ARHGAP12: variants seen among roughly 807,000 people sequenced by gnomAD.
The protein encoded by ARHGAP12 is rho GTPase-activating protein 12.
ARHGAP12 carries 64 observed loss-of-function variants against 108.6 expected under a neutral mutation model. That is an observed-to-expected ratio of 0.59 (90% CI 0.48 to 0.73). ARHGAP12 has a LOEUF of 0.73. Among genes scored for constraint, ARHGAP12 ranks in the 30% least tolerant of loss-of-function variants. The pLI, the probability that ARHGAP12 is intolerant of heterozygous loss-of-function variation, is 0.00. For synonymous variants in ARHGAP12, 312 were observed against 337.2 expected (o/e 0.93, Z 0.82); for missense variants, 940 against 1,005.9 (o/e 0.93, Z 0.89).
chr10:31,859,063 G>A (rs1382383436), intron 4 of ARHGAP12, among the ~76,000 whole-genome samples: 3 of 152,160 alleles, frequency 2.0e-5, no homozygotes, highest in Non-Finnish European at 4.4e-5. Context: ...TGGCTGCTAG[G>A]TGTGCAGCCC....
chr10:31,836,325 A>G (rs12269395), intron 9 of ARHGAP12, among the ~76,000 whole-genome samples: 7,639 of 152,258 alleles, frequency 0.05, 639 homozygotes, highest in African/African-American at 0.17. Context: ...CATATAATGA[A>G]TAGCTTCTTA....
chr10:31,809,874 T>C (rs142375036), intron 16 of ARHGAP12, among the ~76,000 whole-genome samples: 64 of 152,240 alleles, frequency 4.2e-4, no homozygotes, highest in African/African-American at 1.5e-3. Flanking sequence ...AGCCCCGAAA[T>C]TTCAGGTATT....
At chr10:31,835,772 T>A (rs1835993424) in intron 9 of ARHGAP12, among the ~76,000 whole-genome samples, 1 of 152,184 alleles carries the variant, frequency 6.6e-6, no homozygotes, top group South Asian at 2.1e-4. Flanking sequence ...AACACCACTG[T>A]AATGAAACAT....
rs1592349895 is a variant in ARHGAP12, at chr10:31,894,566, G to A, written c.684+13606C>T. Among the ~76,000 whole-genome samples the A allele has an allele frequency of 2.0e-5, 3 of 152,182 alleles. No homozygotes were observed. In the South Asian group the frequency reaches 6.2e-4, roughly 32 times the overall value. On this transcript the variant is annotated intron_variant, in intron 3 of 19. Coordinates refer to ENST00000344936, the MANE Select transcript of ARHGAP12 (RefSeq NM_018287.7). ...GGGATGTGAAGGACCTCTTCAAGGAGAACTACAAACCACTGCTCAGTGAAA... is the reference window on the plus strand; with the variant it reads ...GGGATGTGAAGGACCTCTTCAAGGAAAACTACAAACCACTGCTCAGTGAAA...
chr10:31,887,338 G>A (rs1014662130), intron 3 of ARHGAP12, among the ~76,000 whole-genome samples: 1 of 152,128 alleles, frequency 6.6e-6, no homozygotes, highest in Non-Finnish European at 1.5e-5. Context: ...TAAATTACAA[G>A]TTAATCTCAT....
Position 31,810,819 on chromosome 10 carries a change from G to A in ARHGAP12, c.1952-72C>T, listed in dbSNP as rs560066086. On this transcript the variant is annotated intron_variant, in intron 15 of 19. Transcript: ENST00000344936. ...AGTTCATGAAATGGCTAACCATTCA[G>A]AGTGCAACAGAAACATCCAGCGTAA... 3.6e-4 allele frequency: 412 copies of A among 1,137,548 alleles called. 6 individuals carry two copies. In the East Asian group the frequency reaches 9.5e-3, roughly 26 times the overall value. The allele number at this position is 1,137,548 out of a possible 1,614,324, so 70.5% of individuals were successfully genotyped here. A position where few individuals can be genotyped will look rare whatever the true frequency, so the allele number is the denominator to read the frequency against.
chr10:31,860,852 AG>A (rs1411362368), intron 4 of ARHGAP12, among the ~76,000 whole-genome samples: 1 of 152,166 alleles, frequency 6.6e-6, no homozygotes, highest in Non-Finnish European at 1.5e-5. Context: ...AGGCTGAGAC[AG>A]GGGGACTGCT....
chr10:31,919,364 TTAAAACAGTAAATTTCATGTTATA>T (rs1187773833), intron 1 of ARHGAP12, among the ~76,000 whole-genome samples: 3 of 152,168 alleles, frequency 2.0e-5, no homozygotes, highest in African/African-American at 7.2e-5. Context: ...TCAAAAATGG[TTAAAACAGTAAATTTCATGTTATA>T]TATATTTCAC....
At position 31,812,735 on chromosome 10, in the gene ARHGAP12, T is replaced by C. The variant is rs1835066680; in HGVS notation, c.1923A>G (p.Gln641=). 2 of 1,608,116 alleles carry C rather than the reference T, an allele frequency of 1.2e-6. No homozygotes were observed. Among genetic ancestry groups the C allele is most frequent in the Non-Finnish European group, 1.7e-6 (2 of 1,178,288 alleles). Residue 641 remains glutamine (Q), a synonymous_variant, in exon 15 of 20, where the codon CAA becomes CAG. Coordinates refer to ENST00000344936, the MANE Select transcript of ARHGAP12 (RefSeq NM_018287.7). ...KKFLTRRPTL[Q]AVREKGYIKD... is the part of the protein sequence containing the mutation. ...TAATATAACCTTTTTCACGAACAGCTTGCAAAGTGGGGCGTCGTGTAAGAA... is the reference window on the plus strand; with the variant it reads ...TAATATAACCTTTTTCACGAACAGCCTGCAAAGTGGGGCGTCGTGTAAGAA...
intron 1 of ARHGAP12, among the ~76,000 whole-genome samples, chr10:31,921,098 A>G (rs1275836427): frequency 6.6e-6 from 1 of 151,782 alleles, no homozygotes; most frequent in Non-Finnish European, 1.5e-5. Context: ...TGAGTTTTGA[A>G]CTCCTGGTGA....
chr10:31,909,133 C>T (rs907574243), intron 2 of ARHGAP12, among the ~76,000 whole-genome samples: 3 of 152,058 alleles, frequency 2.0e-5, no homozygotes, highest in Non-Finnish European at 2.9e-5. Context: ...ATTTTTCAGT[C>T]ACTTATGACC....
At chr10:31,877,218 G>A (rs1452448813) in intron 3 of ARHGAP12, among the ~76,000 whole-genome samples, 1 of 152,182 alleles carries the variant, frequency 6.6e-6, no homozygotes, top group African/African-American at 2.4e-5. Flanking sequence ...AAGACGCCTG[G>A]TTCCTTTTAA....
chr10:31,850,111 C>T (rs941740976), intron 6 of ARHGAP12, among the ~76,000 whole-genome samples: 1 of 152,132 alleles, frequency 6.6e-6, no homozygotes, highest in Non-Finnish European at 1.5e-5. Flanking sequence ...TCAGAAACCA[C>T]TATGAAGAAA....
intron 9 of ARHGAP12, among the ~76,000 whole-genome samples, chr10:31,835,867 G>A (rs1004709804): frequency 6.6e-6 from 1 of 152,186 alleles, no homozygotes; most frequent in Non-Finnish European, 1.5e-5. Context: ...GAAATGGGGA[G>A]TGACTTTTAA....
intron 5 of ARHGAP12, 45 bp downstream of exon 5, chr10:31,854,021 A>C (rs1358542743): frequency 1.3e-6 from 2 of 1,567,610 alleles, no homozygotes; most frequent in Non-Finnish European, 1.7e-6. Flanking sequence ...CTATTTTATG[A>C]GAGAATTCTG....
chr10:31,864,518 G>A (rs1441838843), intron 3 of ARHGAP12, among the ~76,000 whole-genome samples: 1 of 151,990 alleles, frequency 6.6e-6, no homozygotes, highest in African/African-American at 2.4e-5. Flanking sequence ...GCAATATTTG[G>A]CATACAATAT....
intron 4 of ARHGAP12, 76 bp from the exon 5 acceptor site, chr10:31,854,282 A>G (rs1316153454): frequency 3.6e-5 from 45 of 1,266,944 alleles, no homozygotes; most frequent in Non-Finnish European, 4.6e-5. Context: ...TAATAAATAA[A>G]TTTTACTTGA....
intron 9 of ARHGAP12, among the ~76,000 whole-genome samples, chr10:31,838,983 T>A (rs1347442287): frequency 1.3e-5 from 2 of 151,484 alleles, no homozygotes; most frequent in Non-Finnish European, 2.9e-5. Flanking sequence ...TCTACTACAC[T>A]CCAGCCTGGA....
intron 6 of ARHGAP12, among the ~76,000 whole-genome samples, chr10:31,846,238 A>G (rs1230782974): frequency 6.6e-6 from 1 of 152,200 alleles, no homozygotes; most frequent in African/African-American, 2.4e-5. Flanking sequence ...GGAATGTTAT[A>G]ATTTTTGTTT....
Sources: gnomAD v4.1 joint callset for allele counts (sites outside exome capture counted in the v4.1 genomes callset) on GRCh38, gnomAD v4.1.1 for gene constraint, MANE v1.5 for transcripts, NCBI Gene and HGNC (gene_info 2026-07-23, HGNC 2026-07-21) for gene names.